VAPA: variants seen among roughly 807,000 people sequenced by gnomAD.
VAPA encodes the protein VAMP associated protein A, also known as vesicle-associated membrane protein-associated protein A.
Under a neutral mutation model 25.6 loss-of-function variants are expected in VAPA, and 6 were observed. The observed-to-expected ratio is 0.23, with a 90% CI of 0.13 to 0.46. The LOEUF is 0.46. Ranked by LOEUF, VAPA falls within the 20% of genes least tolerant of loss-of-function variation. The probability of loss-of-function intolerance (pLI) is 0.99; values close to 1 mark genes in which losing one functional copy is unlikely to be tolerated. For synonymous variants in VAPA, 112 were observed against 106.2 expected, an observed-to-expected ratio of 1.05 and a Z score of -0.34; for missense variants, 244 against 302.1, an observed-to-expected ratio of 0.81 and a Z score of 1.43.
intron 4 of VAPA, among the ~76,000 whole-genome samples, chr18:9,938,886 CT>C (rs1157895240): frequency 6.6e-6 from 1 of 152,080 alleles, no homozygotes; most frequent in Admixed American, 6.5e-5. Context: ...TGTGGTTAAG[CT>C]TATTATATAT....
At chr18:9,915,301 T>C (rs966633101) in intron 1 of VAPA, among the ~76,000 whole-genome samples, 1 of 152,352 alleles carries the variant, frequency 6.6e-6, no homozygotes, top group East Asian at 1.9e-4. Context: ...TCTGGAACTT[T>C]GTAGGTTTTT....
chr18:9,926,994 G>C (rs577171509), intron 1 of VAPA, among the ~76,000 whole-genome samples: 1 of 152,198 alleles, frequency 6.6e-6, no homozygotes, highest in South Asian at 2.1e-4. Context: ...TGCATTGTCT[G>C]TTTATTCTTA....
At chr18:9,924,510 C>T (rs570430393) in intron 1 of VAPA, among the ~76,000 whole-genome samples, 1 of 152,262 alleles carries the variant, frequency 6.6e-6, no homozygotes, top group East Asian at 1.9e-4. Context: ...TTTATTTTCT[C>T]TGCCTTGTTT....
intron 2 of VAPA, among the ~76,000 whole-genome samples, chr18:9,933,241 G>A (rs2069274992): frequency 6.6e-6 from 1 of 152,120 alleles, no homozygotes; most frequent in Non-Finnish European, 1.5e-5. Flanking sequence ...CATTGAGAGA[G>A]TATTTAGAGG....
At chr18:9,932,403 A>G (rs1166026789) in intron 2 of VAPA, among the ~76,000 whole-genome samples, 3 of 152,194 alleles carry the variant, frequency 2.0e-5, no homozygotes, top group Non-Finnish European at 4.4e-5. Context: ...ATGAGTCTTT[A>G]TGCCTTTCAT....
At chr18:9,924,235 A>G (rs935935096) in intron 1 of VAPA, among the ~76,000 whole-genome samples, 3 of 152,058 alleles carry the variant, frequency 2.0e-5, no homozygotes, top group Admixed American at 1.3e-4. Flanking sequence ...CTTCTTTTCT[A>G]TTTCTTTACA....
chr18:9,933,929 G>A (rs181232073), intron 2 of VAPA, among the ~76,000 whole-genome samples: 2 of 152,290 alleles, frequency 1.3e-5, no homozygotes, highest in African/African-American at 4.8e-5. Flanking sequence ...TATGCAGAAT[G>A]ACTTTTTCTT....
At chr18:9,945,106 G>A (rs747431937) in intron 4 of VAPA, 2 of 1,597,920 alleles carry the variant, frequency 1.3e-6, no homozygotes, top group South Asian at 2.2e-5. Context: ...AGTGTCAATG[G>A]TTAAGTTAAT....
Position 9,950,511 on chromosome 18 carries a change from G to A in VAPA, c.534G>A (p.Glu178=), listed in dbSNP as rs185666210. The A allele has an allele frequency of 2.5e-6, 4 of 1,613,812 alleles. No homozygotes were observed. The South Asian group carries it at 4.4e-5, about 18-fold the overall frequency. ...NDTETRKLME[E]CKRLQGEMMK... ...CCGAAACAAGGAAACTAATGGAAGAGTGTAAAAGACTTCAGGGAGAAATGA... is the reference window on the plus strand; with the variant it reads ...CCGAAACAAGGAAACTAATGGAAGAATGTAAAAGACTTCAGGGAGAAATGA... The change falls in exon 5 of 6, where the codon GAG becomes GAA. Residue 178 remains glutamate (E), a synonymous_variant. Transcript: ENST00000400000.
chr18:9,946,068 G>T (rs2069420060), intron 4 of VAPA, among the ~76,000 whole-genome samples: 1 of 151,942 alleles, frequency 6.6e-6, no homozygotes, highest in South Asian at 2.1e-4. Flanking sequence ...ACTTTTTCTT[G>T]TATTTCCAAT....
intron 1 of VAPA, chr18:9,915,124 G>T (rs2069101355): frequency 6.6e-6 from 1 of 152,334 alleles, no homozygotes; most frequent in South Asian, 2.1e-4. Flanking sequence ...GTTCATAGTA[G>T]CGGGGCTTCC....
chr18:9,934,943 A>T (rs1201944563), intron 2 of VAPA, among the ~76,000 whole-genome samples: 1 of 151,954 alleles, frequency 6.6e-6, no homozygotes, highest in Non-Finnish European at 1.5e-5. Flanking sequence ...AAATACAAAA[A>T]AATTAGCCGG....
At position 9,954,467 on chromosome 18, in the gene VAPA, A is replaced by G; in HGVS notation, c.*256A>G. 1 of 352,972 alleles carries G rather than the reference A, an allele frequency of 2.8e-6. No individual in the cohort carries two copies. Among genetic ancestry groups the G allele is most frequent in the Non-Finnish European group, 5.0e-6 (1 of 198,870 alleles). The allele number at this position is 352,972 out of a possible 1,614,324, so 21.9% of individuals were successfully genotyped here. ...AGTTGCACATTGAGTCCTTTATGAAATTCATAAATAAAGAATTGTTCTTTC... is the reference window on the plus strand; with the variant it reads ...AGTTGCACATTGAGTCCTTTATGAAGTTCATAAATAAAGAATTGTTCTTTC... On this transcript the variant is annotated 3_prime_UTR_variant, in exon 6 of 6. Transcript: ENST00000400000.
chr18:9,924,294 C>T (rs966172893), intron 1 of VAPA, among the ~76,000 whole-genome samples: 4 of 152,076 alleles, frequency 2.6e-5, no homozygotes, highest in Non-Finnish European at 4.4e-5. Flanking sequence ...GTGGACCGCT[C>T]GTTTCTATTT....
chr18:9,938,536 C>A (rs1188264009), intron 4 of VAPA, among the ~76,000 whole-genome samples: 1 of 152,186 alleles, frequency 6.6e-6, no homozygotes, highest in African/African-American at 2.4e-5. Flanking sequence ...AGCGCTTGAA[C>A]AAATACTGAA....
intron 3 of VAPA, 48 bp from the exon 4 acceptor site, chr18:9,936,938 C>G: frequency 3.2e-6 from 5 of 1,553,034 alleles, no homozygotes; most frequent in Non-Finnish European, 4.4e-6. Flanking sequence ...AACTTACTTA[C>G]CATGATCATA....
chr18:9,935,851 T>TA (rs1269602267), intron 2 of VAPA, among the ~76,000 whole-genome samples: 2 of 152,322 alleles, frequency 1.3e-5, no homozygotes, highest in Admixed American at 1.3e-4. Context: ...GTGCAAAACT[T>TA]AGTAAATTAG....
chr18:9,939,167 GTTC>G (rs1314624259), intron 4 of VAPA, among the ~76,000 whole-genome samples: 49 of 149,086 alleles, frequency 3.3e-4, no homozygotes, highest in Admixed American at 1.5e-3. Flanking sequence ...AGTCCAAATA[GTTC>G]TTCTTTTTTT....
chr18:9,956,280 G>A lies in VAPA; in HGVS notation c.*2069G>A, dbSNP rs1279719294. 2 of 152,120 alleles carry A rather than the reference G, an allele frequency of 1.3e-5. No individual in the cohort carries two copies. Among genetic ancestry groups the A allele is most frequent in the Non-Finnish European group, 2.9e-5 (2 of 68,022 alleles). 9.4% of individuals were successfully genotyped at this position (152,120 alleles called of 1,614,324 possible). The stretch of plus-strand genomic sequence containing the variant: ...TGTCTTCTGGTAACTGTTGAAAATT[G>A]TCTTAGTTTGAGAGATGGCTGAAAT... On this transcript the variant is annotated 3_prime_UTR_variant, in exon 6 of 6. Transcript: ENST00000400000.
Sources: gnomAD v4.1 joint callset for allele counts (sites outside exome capture counted in the v4.1 genomes callset) on GRCh38, gnomAD v4.1.1 for gene constraint, MANE v1.5 for transcripts, NCBI Gene and HGNC (gene_info 2026-07-23, HGNC 2026-07-21) for gene names.